Variants in KDM4C observed in about 807,000 individuals in gnomAD.
The protein encoded by KDM4C is lysine-specific demethylase 4C.
In KDM4C, 81 loss-of-function variants were observed where a neutral mutation model predicts 129.3. The observed-to-expected ratio is 0.63, with a 90% CI of 0.52 to 0.75. The LOEUF (loss-of-function observed/expected upper bound fraction) is 0.75. KDM4C is among the 30% of genes least tolerant of loss of function. The pLI, the probability that KDM4C is intolerant of heterozygous loss-of-function variation, is 0.00. For missense variants in KDM4C, 1,457 were observed against 1,304.0 expected (o/e 1.12, Z -1.81); for synonymous variants, 573 against 456.1 (o/e 1.26, Z -3.26).
At chr9:6,808,966 A>T (rs960948887) in intron 3 of KDM4C, among the ~76,000 whole-genome samples, 1 of 151,882 alleles carries the variant, frequency 6.6e-6, no homozygotes, top group Non-Finnish European at 1.5e-5. Flanking sequence ...CTGAAAGACC[A>T]ACAAAAAATC....
chr9:7,053,337 T>G (rs574674536), intron 17 of KDM4C, among the ~76,000 whole-genome samples: 239 of 152,348 alleles, frequency 1.6e-3, no homozygotes, highest in African/African-American at 5.6e-3. Flanking sequence ...AGGAGAATTT[T>G]GTGGCGGATA....
At chr9:6,956,211 A>G (rs1182552873) in intron 8 of KDM4C, among the ~76,000 whole-genome samples, 3 of 152,232 alleles carry the variant, frequency 2.0e-5, no homozygotes, top group Non-Finnish European at 4.4e-5. Context: ...ATAGTCGATA[A>G]TAACTTAATT....
intron 1 of KDM4C, among the ~76,000 whole-genome samples, chr9:6,790,654 C>CAAAAAA (rs1186296239): frequency 3.1e-5 from 2 of 65,214 alleles, no homozygotes; most frequent in Non-Finnish European, 5.3e-5. Context: ...TTAAATTCAG[C>CAAAAAA]AAAAAAAAAA....
intron 8 of KDM4C, among the ~76,000 whole-genome samples, chr9:6,964,413 A>G (rs1589351893): frequency 6.6e-6 from 1 of 151,476 alleles, no homozygotes; most frequent in Non-Finnish European, 1.5e-5. Context: ...TACAAAGGAC[A>G]TGAACTCATC....
intron 19 of KDM4C, among the ~76,000 whole-genome samples, chr9:7,164,118 T>A (rs1246339913): frequency 6.6e-6 from 1 of 152,230 alleles, no homozygotes; most frequent in Non-Finnish European, 1.5e-5. Context: ...TATAGCTTGA[T>A]TGGTCAAGTG....
At chr9:6,733,967 G>A (rs576585166) in intron 1 of KDM4C, among the ~76,000 whole-genome samples, 60 of 152,218 alleles carry the variant, frequency 3.9e-4, no homozygotes, top group African/African-American at 1.3e-3. Flanking sequence ...GGTTTTAGCC[G>A]GCGTCTTTAC....
chr9:6,960,282 ATTTTTTTTT>A lies in KDM4C; in HGVS notation c.922-20633_922-20625del, dbSNP rs34061929. ...TGGAAGCTCTTTTAAAATGTTTTTA[ATTTTTTTTT>A]TTTTTTTTTAAATACAGGGTCTCTG... On this transcript the variant is annotated intron_variant, in intron 8 of 21. Coordinates refer to ENST00000381309, the MANE Select transcript of KDM4C (RefSeq NM_015061.6). 6.6e-3 allele frequency among the ~76,000 whole-genome samples: 940 copies of A among 143,266 alleles called. 6 individuals are homozygous for A. The highest frequency in any genetic ancestry group is 0.022 in the African/African-American group (871 of 38,812). 94.0% of individuals were successfully genotyped at this position (143,266 alleles called of 152,430 possible). A position where few individuals can be genotyped will look rare whatever the true frequency, so the allele number is the denominator to read the frequency against.
intron 15 of KDM4C, among the ~76,000 whole-genome samples, chr9:7,020,702 T>G (rs778442478): frequency 1.3e-5 from 2 of 152,180 alleles, no homozygotes; most frequent in Admixed American, 6.5e-5. Flanking sequence ...TGTAAGTGTA[T>G]ATATTTATGG....
At chr9:6,864,329 A>G (rs1006866721) in intron 5 of KDM4C, among the ~76,000 whole-genome samples, 2 of 152,134 alleles carry the variant, frequency 1.3e-5, no homozygotes, top group African/African-American at 2.4e-5. Flanking sequence ...CCATCTCACT[A>G]CTTCTTGGCC....
chr9:7,169,227 C>A (rs1844711023), intron 20 of KDM4C, among the ~76,000 whole-genome samples: 2 of 152,104 alleles, frequency 1.3e-5, no homozygotes, highest in African/African-American at 4.8e-5. Context: ...TCAGCAGCTA[C>A]TTTTCTTTGT....
At chr9:6,757,390 C>T (rs1298154842), upstream of KDM4C, among the ~76,000 whole-genome samples, 1 of 152,210 alleles carries the variant, frequency 6.6e-6, no homozygotes, top group Non-Finnish European at 1.5e-5. Context: ...GACAGTTTTG[C>T]TTCCAGAGGC....
At chr9:7,106,951 T>C (rs926750801) in intron 18 of KDM4C, among the ~76,000 whole-genome samples, 5 of 152,070 alleles carry the variant, frequency 3.3e-5, no homozygotes, top group Non-Finnish European at 7.4e-5. Context: ...TTGAAAAAAA[T>C]AGGGTAAAAC....
intron 17 of KDM4C, among the ~76,000 whole-genome samples, chr9:7,080,543 T>C (rs757451161): frequency 2.0e-5 from 3 of 152,212 alleles, no homozygotes; most frequent in Non-Finnish European, 2.9e-5. Flanking sequence ...TTTATTTGAA[T>C]TGCAAAAGGA....
intron 4 of KDM4C, among the ~76,000 whole-genome samples, chr9:6,846,297 C>G (rs1837843998): frequency 1.3e-5 from 2 of 152,118 alleles, no homozygotes; most frequent in Non-Finnish European, 1.5e-5. Context: ...TTCATTTGTT[C>G]ATTTGGGAAT....
chr9:6,925,655 A>T, intron 8 of KDM4C: 1 of 985,142 alleles, frequency 1.0e-6, no homozygotes, highest in Non-Finnish European at 1.2e-6. Flanking sequence ...TTTCAGAAAG[A>T]TGCTGTTCGG....
chr9:6,914,024 T>C (rs1442420778), intron 8 of KDM4C, among the ~76,000 whole-genome samples: 1 of 152,234 alleles, frequency 6.6e-6, no homozygotes, highest in African/African-American at 2.4e-5. Flanking sequence ...GTTGAAAGCC[T>C]GAGACTGTTA....
intron 15 of KDM4C, among the ~76,000 whole-genome samples, chr9:7,046,552 C>G (rs994984459): frequency 1.3e-5 from 2 of 151,958 alleles, no homozygotes; most frequent in South Asian, 2.1e-4. Flanking sequence ...GGACTAGGTT[C>G]TCTGGACTGC....
chr9:6,778,495 G>C (rs1040741069), intron 1 of KDM4C, among the ~76,000 whole-genome samples: 2 of 151,650 alleles, frequency 1.3e-5, no homozygotes, highest in African/African-American at 4.8e-5. Flanking sequence ...GGCCCGGTGC[G>C]GTAGCTCACG....
intron 15 of KDM4C, among the ~76,000 whole-genome samples, chr9:7,041,004 C>G (rs1268384964): frequency 1.3e-5 from 2 of 151,218 alleles, no homozygotes; most frequent in Admixed American, 1.3e-4. Context: ...TTTAGTACTC[C>G]AATTATACAT....
Sources: allele counts gnomAD v4.1 joint callset (sites outside exome capture counted in the v4.1 genomes callset), GRCh38; gene constraint gnomAD v4.1.1; transcripts MANE v1.5; gene names NCBI Gene and HGNC (gene_info 2026-07-23, HGNC 2026-07-21).